CDKAL1: variants seen among roughly 807,000 people sequenced by gnomAD.
The protein encoded by CDKAL1 is threonylcarbamoyladenosine tRNA methylthiotransferase.
CDKAL1 carries 32 observed loss-of-function variants against 68.2 expected under a neutral mutation model. That is an observed-to-expected ratio of 0.47 (90% CI 0.35 to 0.63). The LOEUF (loss-of-function observed/expected upper bound fraction) is 0.63, where lower values mean the gene tolerates loss of function less well. Among genes scored for constraint, CDKAL1 ranks in the 30% least tolerant of loss-of-function variants. The pLI is 0.00. For synonymous variants in CDKAL1, 234 were observed against 244.3 expected (o/e 0.96, Z 0.39); for missense variants, 606 against 696.7 (o/e 0.87, Z 1.47).
chr6:21,137,980 C>T (rs1302290319), intron 13 of CDKAL1, among the ~76,000 whole-genome samples: 4 of 152,182 alleles, frequency 2.6e-5, no homozygotes, highest in Admixed American at 1.3e-4. Context: ...TCCTTTTAGT[C>T]TCCTTTCAGT....
In CDKAL1 at chr6:20,620,068, G is replaced by A. The variant is rs1049222085; in HGVS notation, c.287-29225G>A. 2.0e-5 allele frequency among the ~76,000 whole-genome samples: 3 copies of A among 152,160 alleles called. No homozygotes were observed. In the East Asian group the frequency reaches 5.8e-4, roughly 29 times the overall value. ...ACTCACGTTTAGAGAGAATTTCTCAGTTTTCTTCCCGTAGATTCTCAGTCC... is the reference window on the plus strand; with the variant it reads ...ACTCACGTTTAGAGAGAATTTCTCAATTTTCTTCCCGTAGATTCTCAGTCC... On this transcript the variant is annotated intron_variant, in intron 4 of 15. Coordinates refer to ENST00000274695, the MANE Select transcript of CDKAL1 (RefSeq NM_017774.3).
intron 11 of CDKAL1, among the ~76,000 whole-genome samples, chr6:21,040,077 C>G (rs1561981912): frequency 6.6e-6 from 1 of 152,166 alleles, no homozygotes; most frequent in Non-Finnish European, 1.5e-5. Flanking sequence ...TGATGCGTCT[C>G]CAAATCCCTT....
intron 4 of CDKAL1, among the ~76,000 whole-genome samples, chr6:20,614,575 A>G (rs1265672645): frequency 6.6e-6 from 1 of 152,144 alleles, no homozygotes; most frequent in Non-Finnish European, 1.5e-5. Context: ...AAAAAGTTCA[A>G]ACGTACCCAC....
intron 9 of CDKAL1, among the ~76,000 whole-genome samples, chr6:20,911,099 A>G (rs770291403): frequency 6.6e-6 from 1 of 152,252 alleles, no homozygotes; most frequent in Non-Finnish European, 1.5e-5. Context: ...ATGCAAACTA[A>G]TAGCCTTTGT....
rs564732887 is a variant in CDKAL1, at chr6:20,918,426, A to T, written c.743-36993A>T. 2.6e-5 allele frequency among the ~76,000 whole-genome samples: 4 copies of T among 152,362 alleles called. No individual in the cohort carries two copies. The South Asian group carries it at 8.3e-4, about 32-fold the overall frequency. ...TAAAAAAGAAAATGAGAATCATAAT[A>T]ACCTTGAATTTCGTTAGAAGATATT... On this transcript the variant is annotated intron_variant, in intron 9 of 15. Coordinates refer to ENST00000274695, the MANE Select transcript of CDKAL1 (RefSeq NM_017774.3).
chr6:20,874,764 A>G (rs1412049193), intron 9 of CDKAL1, among the ~76,000 whole-genome samples: 2 of 151,954 alleles, frequency 1.3e-5, no homozygotes, highest in Non-Finnish European at 2.9e-5. Flanking sequence ...TGGCCTCCCA[A>G]AGTGCTGGGA....
chr6:21,168,128 C>T (rs1028118084), intron 13 of CDKAL1, among the ~76,000 whole-genome samples: 2 of 152,064 alleles, frequency 1.3e-5, no homozygotes, highest in Non-Finnish European at 1.5e-5. Flanking sequence ...GCATAAAAGC[C>T]GAAAATGCAG....
intron 8 of CDKAL1, among the ~76,000 whole-genome samples, chr6:20,813,247 C>T (rs928813533): frequency 6.6e-6 from 1 of 152,074 alleles, no homozygotes; most frequent in African/African-American, 2.4e-5. Flanking sequence ...GGTGCCTGGC[C>T]TCAGGTATAT....
At chr6:21,100,699 A>T (rs1273404225) in intron 12 of CDKAL1, among the ~76,000 whole-genome samples, 1 of 151,578 alleles carries the variant, frequency 6.6e-6, no homozygotes, top group African/African-American at 2.4e-5. Flanking sequence ...ATTTTGGGGT[A>T]TTTTTTTTAT....
At chr6:20,782,933 T>A (rs928667503) in intron 8 of CDKAL1, among the ~76,000 whole-genome samples, 3 of 152,114 alleles carry the variant, frequency 2.0e-5, no homozygotes, top group Non-Finnish European at 4.4e-5. Flanking sequence ...AATGCAGATT[T>A]TTTTTTCTTT....
intron 4 of CDKAL1, among the ~76,000 whole-genome samples, chr6:20,591,978 T>C (rs1422990122): frequency 6.6e-6 from 1 of 152,210 alleles, no homozygotes; most frequent in Non-Finnish European, 1.5e-5. Context: ...GCCATTTTCA[T>C]GATATTGATT....
Position 21,198,107 on chromosome 6 carries a change from A to G in CDKAL1, c.1383+3A>G, listed in dbSNP as rs765808644. The G allele has an allele frequency of 1.9e-6, 3 of 1,579,762 alleles. No homozygotes were observed. Among genetic ancestry groups the G allele is most frequent in the Non-Finnish European group, 1.7e-6 (2 of 1,159,330 alleles). On this transcript the variant is annotated splice_donor_region_variant and intron_variant, in intron 14 of 15. Transcript: ENST00000274695. ...CACACAATCAATTCTATGAGCAGGT[A>G]AGAGGCACTTCAGTATTCTTGAGTT...
Position 20,546,622 on chromosome 6 carries a change from C to T in CDKAL1, c.173+99C>T, listed in dbSNP as rs547363196. 154 of 875,706 alleles carry T rather than the reference C, an allele frequency of 1.8e-4. No homozygotes were observed. In the African/African-American group the frequency reaches 2.2e-3, roughly 13 times the overall value. 54.2% of individuals were successfully genotyped at this position (875,706 alleles called of 1,614,324 possible). On this transcript the variant is annotated intron_variant, in intron 3 of 15. Coordinates refer to ENST00000274695, the MANE Select transcript of CDKAL1 (RefSeq NM_017774.3). ...AGGCTGGAGTGCAGTGGTGTGATCT[C>T]GGTTCACTGCAACCTCCTCCTCCTG...
intron 8 of CDKAL1, among the ~76,000 whole-genome samples, chr6:20,816,697 GA>G (rs59348412): frequency 0.13 from 19,073 of 149,522 alleles, 1,438 homozygotes; most frequent in African/African-American, 0.21. Flanking sequence ...AGAAAACTAA[GA>G]AAAAAAAAAT....
intron 10 of CDKAL1, among the ~76,000 whole-genome samples, chr6:20,991,425 T>C (rs1406343815): frequency 6.6e-6 from 1 of 152,066 alleles, no homozygotes; most frequent in Non-Finnish European, 1.5e-5. Context: ...CAACCAGTCT[T>C]GCCTGGGCAC....
intron 4 of CDKAL1, chr6:20,558,620 A>AG: frequency 2.2e-6 from 1 of 456,506 alleles, no homozygotes; most frequent in Non-Finnish European, 4.4e-6. Context: ...TTGTAATCTA[A>AG]GAAGGAATTG....
At chr6:20,831,950 C>T (rs556515105) in intron 8 of CDKAL1, among the ~76,000 whole-genome samples, 1 of 152,276 alleles carries the variant, frequency 6.6e-6, no homozygotes, top group Admixed American at 6.5e-5. Context: ...TTGTCAACTT[C>T]TGATCGCCGG....
chr6:21,217,747 C>T (rs1175821076), intron 15 of CDKAL1, among the ~76,000 whole-genome samples: 1 of 152,218 alleles, frequency 6.6e-6, no homozygotes, highest in Non-Finnish European at 1.5e-5. Flanking sequence ...ATCCACCCGC[C>T]TCGGCCTCCC....
chr6:21,196,173 C>G (rs1179582254), intron 13 of CDKAL1, among the ~76,000 whole-genome samples: 2 of 152,200 alleles, frequency 1.3e-5, no homozygotes, highest in African/African-American at 4.8e-5. Flanking sequence ...AGTGGCTCTA[C>G]AATTTCACAT....
Sources: allele counts gnomAD v4.1 joint callset (sites outside exome capture counted in the v4.1 genomes callset), GRCh38; gene constraint gnomAD v4.1.1; transcripts MANE v1.5; gene names NCBI Gene and HGNC (gene_info 2026-07-23, HGNC 2026-07-21).